The following RADIL variants were observed in gnomAD, a reference collection of about 807,000 sequenced individuals.
RADIL encodes ras-associating and dilute domain-containing protein.
A neutral mutation model predicts 97.6 loss-of-function variants in RADIL; 99 were observed. That is an observed-to-expected ratio of 1.01 (90% CI 0.86 to 1.20). The LOEUF is 1.20. Ranked by LOEUF, RADIL falls within the 50% of genes most tolerant of loss-of-function variation. RADIL has a pLI of 0.00. For synonymous variants in RADIL, 803 were observed against 691.8 expected (o/e 1.16, Z -2.52); for missense variants, 1,765 against 1,498.9 (o/e 1.18, Z -2.93).
Position 4,861,838 on chromosome 7 carries a change from G to A in RADIL, c.535+15767C>T, listed in dbSNP as rs746427119. 87 of 1,399,956 alleles carry A rather than the reference G, an allele frequency of 6.2e-5. No homozygotes were observed. In the African/African-American group the frequency reaches 1.2e-3, roughly 19 times the overall value. 86.7% of individuals were successfully genotyped at this position (1,399,956 alleles called of 1,614,324 possible). A position where few individuals can be genotyped will look rare whatever the true frequency, so the allele number is the denominator to read the frequency against. On this transcript the variant is annotated intron_variant, in intron 2 of 14. Transcript: ENST00000399583. ...TTCAGCGCCCGCCCCGCCAGGGCAC[G>A]TCCCCCACCACCGCGACCTTCGCGG...
intron 9 of RADIL, among the ~76,000 whole-genome samples, chr7:4,807,975 CTCCCTCTCTCCCTGT>C (rs1397160177): frequency 1.4e-5 from 1 of 70,994 alleles, no homozygotes; most frequent in African/African-American, 1.1e-4. Context: ...CCTCTCCCTC[CTCCCTCTCTCCCTGT>C]CTCTCTCCCC....
At chr7:4,870,313 T>G (rs2115044231) in intron 2 of RADIL, among the ~76,000 whole-genome samples, 1 of 152,328 alleles carries the variant, frequency 6.6e-6, no homozygotes, top group Non-Finnish European at 1.5e-5. Flanking sequence ...ATACATTCTC[T>G]GTCAGTATAT....
rs1201236021 is a variant in RADIL at position 4,824,393 on chromosome 7, C to G, written c.1455-1839G>C. ...GGGGTCCTTTGAAAGGTGCCAAGCC[C>G]ACAGGAAATGCCACCAGGACCTTAA... On this transcript the variant is annotated intron_variant, in intron 5 of 14. Transcript: ENST00000399583. The surrounding 1 kb of genome is among the most constrained non-coding windows in gnomAD (Gnocchi z 6.7). Among the ~76,000 whole-genome samples, 2 of 152,204 alleles carry G rather than the reference C, an allele frequency of 1.3e-5. No individual in the cohort carries two copies. Among genetic ancestry groups the G allele is most frequent in the Admixed American group, 1.3e-4 (2 of 15,290 alleles).
rs1052897926 is a variant in RADIL at position 4,849,390 on chromosome 7, G to A, written c.536-12785C>T. Reference sequence around the variant, plus strand: ...AGAATGAATTAATGAATGAATGAACGTTGATGGGATCAATTCCATCAACTC... The same window carrying A: ...AGAATGAATTAATGAATGAATGAACATTGATGGGATCAATTCCATCAACTC... On this transcript the variant is annotated intron_variant, in intron 2 of 14. Coordinates refer to ENST00000399583, the MANE Select transcript of RADIL (RefSeq NM_018059.5). The surrounding 1 kb of genome is among the most constrained non-coding windows in gnomAD (Gnocchi z 5.4). Among the ~76,000 whole-genome samples, 1 of 152,130 alleles carries A rather than the reference G, an allele frequency of 6.6e-6. No homozygotes were observed. Among genetic ancestry groups the A allele is most frequent in the Non-Finnish European group, 1.5e-5 (1 of 68,022 alleles).
chr7:4,811,952 G>A (rs78605507), intron 9 of RADIL, among the ~76,000 whole-genome samples: 2,513 of 151,998 alleles, frequency 0.017, 75 homozygotes, highest in African/African-American at 0.058. Context: ...ATAACTCACT[G>A]AAACCTCAGT....
intron 9 of RADIL, chr7:4,809,682 T>A (rs942452688): frequency 6.4e-6 from 6 of 939,228 alleles, no homozygotes; most frequent in East Asian, 2.3e-4. Flanking sequence ...TATTTTATTT[T>A]ATTTAATTGA....
intron 2 of RADIL, chr7:4,861,136 C>G (rs904664360): frequency 6.2e-7 from 1 of 1,614,218 alleles, no homozygotes; most frequent in Admixed American, 1.7e-5. Context: ...TGATGGCTCT[C>G]AGAGTCAGCC....
intron 2 of RADIL, among the ~76,000 whole-genome samples, chr7:4,841,699 T>C (rs1355890017): frequency 6.6e-6 from 1 of 152,190 alleles, no homozygotes; most frequent in East Asian, 1.9e-4. Context: ...CTCAGGAAAC[T>C]GCCTGGCTCC....
chr7:4,837,387 G>A lies in RADIL; in HGVS notation c.536-782C>T, dbSNP rs531319611. 2.8e-4 allele frequency among the ~76,000 whole-genome samples: 43 copies of A among 152,296 alleles called. No individual in the cohort carries two copies. Among genetic ancestry groups the A allele is most frequent in the African/African-American group, 1.0e-3 (42 of 41,568 alleles). On this transcript the variant is annotated intron_variant, in intron 2 of 14. Coordinates refer to ENST00000399583, the MANE Select transcript of RADIL (RefSeq NM_018059.5). This position sits in a 1 kb window ranked among gnomAD's most constrained non-coding sequence, Gnocchi z 5.6. ...GGGTGGTGCTCTGACGAGACGAGAC[G>A]GACTGGTCAGCATCCTGCCCCTACT...
intron 9 of RADIL, among the ~76,000 whole-genome samples, chr7:4,811,479 CTTTTTTTTTTTTT>C (rs35136302): frequency 5.1e-5 from 3 of 59,052 alleles, no homozygotes; most frequent in South Asian, 1.0e-3. Context: ...GGTATTATTT[CTTTTTTTTTTTTT>C]TTTTTTTTTT....
intron 2 of RADIL, among the ~76,000 whole-genome samples, chr7:4,841,270 G>A (rs941157060): frequency 7.2e-5 from 11 of 152,202 alleles, no homozygotes; most frequent in Non-Finnish European, 1.5e-4. Flanking sequence ...CTGCCCTGGC[G>A]TGACTGAGTT....
At chr7:4,825,755 T>A (rs1782956311) in intron 5 of RADIL, among the ~76,000 whole-genome samples, 1 of 151,854 alleles carries the variant, frequency 6.6e-6, no homozygotes, top group Admixed American at 6.6e-5. Context: ...ATGTTCCTGT[T>A]ATCCCAGCTA....
rs771216506 is a variant in RADIL, at chr7:4,836,624, A to G, written c.536-19T>C. The G allele has an allele frequency of 3.1e-6, 5 of 1,604,442 alleles. No individual in the cohort carries two copies. The East Asian group carries it at 6.7e-5, about 21-fold the overall frequency. ...TTTATCCCTGGAACAGAAGCAACAC[A>G]AGGTGAACAGTTAGAAGTCTCATAG... On this transcript the variant is annotated intron_variant, in intron 2 of 14. Coordinates refer to ENST00000399583, the MANE Select transcript of RADIL (RefSeq NM_018059.5).
chr7:4,828,084 T>C (rs1399481088), intron 5 of RADIL, among the ~76,000 whole-genome samples: 2 of 152,184 alleles, frequency 1.3e-5, no homozygotes, highest in Non-Finnish European at 2.9e-5. Context: ...ATCACAGGTG[T>C]TCAAAAGGAC....
intron 2 of RADIL, chr7:4,861,318 T>G (rs911670576): frequency 5.6e-6 from 9 of 1,613,950 alleles, no homozygotes; most frequent in Non-Finnish European, 7.6e-6. Flanking sequence ...TCAATCTCTA[T>G]CCCATCAAAA....
chr7:4,816,533 G>C (rs1370283173), intron 7 of RADIL, 68 bp from the exon 8 acceptor site: 9 of 1,337,840 alleles, frequency 6.7e-6, no homozygotes, highest in Non-Finnish European at 9.5e-6. Context: ...CGGGGGGCCT[G>C]ACCCAGCGAG....
intron 9 of RADIL, among the ~76,000 whole-genome samples, chr7:4,808,060 C>CT (rs1782399881): frequency 8.0e-6 from 1 of 124,468 alleles, no homozygotes; most frequent in African/African-American, 3.1e-5. Context: ...CTCCTTCTCT[C>CT]CCTCCCTCCC....
rs1783250403 is a variant in RADIL at position 4,834,859 on chromosome 7, G to T, written c.1164C>A (p.Ala388=). The part of the protein sequence containing the change: ...SCRLCGAALG[A]RGAASPTQAA... ...CCTGAGTAGGGGAGGCGGCTCCCCG[G>T]GCCCCGAGCGCGGCCCCGCACAGCC... The change falls in exon 4 of 15, where the codon GCC becomes GCA. Residue 388 remains alanine (A), a synonymous_variant. Transcript: ENST00000399583. The surrounding 1 kb of genome is among the most constrained non-coding windows in gnomAD (Gnocchi z 6.0). The T allele has an allele frequency of 7.5e-7, 1 of 1,324,910 alleles. No homozygotes were observed. Among genetic ancestry groups the T allele is most frequent in the Admixed American group, 4.1e-5 (1 of 24,364 alleles). 82.1% of individuals were successfully genotyped at this position (1,324,910 alleles called of 1,614,324 possible).
chr7:4,878,937 C>G lies in RADIL; in HGVS notation c.-64-734G>C, dbSNP rs376730204. On this transcript the variant is annotated intron_variant, in intron 1 of 14. Transcript: ENST00000399583. The surrounding 1 kb of genome is among the most constrained non-coding windows in gnomAD (Gnocchi z 4.1). ...TGGGAAATGGGTCACAAACACAGTG[C>G]AACCAGGAAAACAGGCGAATCGCAG... 1.9e-4 allele frequency among the ~76,000 whole-genome samples: 29 copies of G among 152,364 alleles called. No individual in the cohort carries two copies. Among genetic ancestry groups the G allele is most frequent in the African/African-American group, 6.7e-4 (28 of 41,584 alleles).
Sources: gnomAD v4.1 joint callset for allele counts (sites outside exome capture counted in the v4.1 genomes callset) on GRCh38, gnomAD v4.1.1 for gene constraint, Gnocchi (gnomAD v3.1) non-coding constraint, MANE v1.5 for transcripts, NCBI Gene and HGNC (gene_info 2026-07-23, HGNC 2026-07-21) for gene names.